The following ATF7IP2 variants were observed in gnomAD, a reference collection of about 807,000 sequenced individuals.
ATF7IP2 encodes activating transcription factor 7-interacting protein 2.
Under a neutral mutation model 64.2 loss-of-function variants are expected in ATF7IP2, and 42 were observed. The ratio of observed to expected loss-of-function variants is 0.65; its 90% confidence interval spans 0.51 to 0.85. The LOEUF (loss-of-function observed/expected upper bound fraction) is 0.85, where lower values mean the gene tolerates loss of function less well. ATF7IP2 is among the 40% of genes least tolerant of loss of function. ATF7IP2 has a pLI of 0.00. For missense variants in ATF7IP2, 933 were observed against 784.2 expected (o/e 1.19, Z -2.27); for synonymous variants, 308 against 272.8 (o/e 1.13, Z -1.27).
At position 10,482,375 on chromosome 16, in the gene ATF7IP2, C is replaced by A. The variant is rs1029831604; in HGVS notation, c.*126C>A. 1.5e-6 allele frequency: 1 copy of A among 672,508 alleles called. No homozygotes were observed. Among genetic ancestry groups the A allele is most frequent in the Non-Finnish European group, 2.4e-6 (1 of 409,740 alleles). The allele number at this position is 672,508 out of a possible 1,614,324, so 41.7% of individuals were successfully genotyped here. A position where few individuals can be genotyped will look rare whatever the true frequency, so the allele number is the denominator to read the frequency against. Reference sequence around the variant, plus strand: ...GAGCCCTTTCTATTGGGACAGTCCTCTTCTATATGTTTTAAGTGGCCAGTA... The same window carrying A: ...GAGCCCTTTCTATTGGGACAGTCCTATTCTATATGTTTTAAGTGGCCAGTA... On this transcript the variant is annotated 3_prime_UTR_variant, in exon 14 of 14. Coordinates refer to ENST00000562102, the MANE Select transcript of ATF7IP2 (RefSeq NM_001393719.1).
At chr16:10,395,371 C>T (rs1279607494) in intron 1 of ATF7IP2, among the ~76,000 whole-genome samples, 1 of 152,076 alleles carries the variant, frequency 6.6e-6, no homozygotes, top group African/African-American at 2.4e-5. Context: ...TTCTACCAAA[C>T]ATTTAAAGGT....
At chr16:10,415,978 G>A (rs2141828592) in intron 2 of ATF7IP2, among the ~76,000 whole-genome samples, 1 of 152,272 alleles carries the variant, frequency 6.6e-6, no homozygotes, top group African/African-American at 2.4e-5. Context: ...GTGTAGAAAG[G>A]GAATCCTTGT....
In ATF7IP2 at chr16:10,480,959, G is replaced by A. The variant is rs1477396641; in HGVS notation, c.1630G>A (p.Val544Ile). ...AACAACCCCATTGGCACAAAATGCA[G>A]TCCAGGTACTGAATCAAAGTGCTCT... Reference protein sequence around the residue: ...KETTPLAQNAVQVPESFEHLP... With the variant: ...KETTPLAQNAIQVPESFEHLP... Residue 544 changes from valine (V) to isoleucine (I), a missense_variant, in exon 13 of 14, where the codon GTC (valine) becomes ATC (isoleucine). By Grantham distance (29) the Val-to-Ile change is conservative. Coordinates refer to ENST00000562102, the MANE Select transcript of ATF7IP2 (RefSeq NM_001393719.1). The A allele has an allele frequency of 6.2e-7, 1 of 1,602,144 alleles. No individual in the cohort carries two copies. The highest frequency in any genetic ancestry group is 1.7e-5 in the Admixed American group (1 of 59,994).
chr16:10,392,535 T>A (rs2047347433), intron 1 of ATF7IP2, among the ~76,000 whole-genome samples: 2 of 152,094 alleles, frequency 1.3e-5, no homozygotes, highest in South Asian at 2.1e-4. Flanking sequence ...GGTTAATTAT[T>A]CTAATATTTA....
At chr16:10,435,795 C>T (rs1170974219) in intron 6 of ATF7IP2, among the ~76,000 whole-genome samples, 1 of 152,174 alleles carries the variant, frequency 6.6e-6, no homozygotes, top group Non-Finnish European at 1.5e-5. Flanking sequence ...TTTCCAGGCT[C>T]CTTTCCAAAA....
chr16:10,457,152 T>C (rs986800117), intron 8 of ATF7IP2, among the ~76,000 whole-genome samples: 3 of 152,232 alleles, frequency 2.0e-5, no homozygotes, highest in Non-Finnish European at 4.4e-5. Context: ...CCATCCAAGC[T>C]AGGAAGTTGA....
chr16:10,397,409 T>C (rs9926988), intron 1 of ATF7IP2, among the ~76,000 whole-genome samples: 6,339 of 152,316 alleles, frequency 0.042, 474 homozygotes, highest in African/African-American at 0.15. Context: ...ATTGTCTCTA[T>C]AAAGTGTTCT....
intron 9 of ATF7IP2, among the ~76,000 whole-genome samples, chr16:10,461,429 G>A (rs2049372349): frequency 6.6e-6 from 1 of 151,920 alleles, no homozygotes; most frequent in Non-Finnish European, 1.5e-5. Context: ...TTTTTATAAT[G>A]GCCAAAAACT....
At chr16:10,453,176 A>G (rs2049045048) in intron 8 of ATF7IP2, among the ~76,000 whole-genome samples, 1 of 152,160 alleles carries the variant, frequency 6.6e-6, no homozygotes, top group South Asian at 2.1e-4. Flanking sequence ...CTGCCCTAAC[A>G]GCCACCCAGC....
chr16:10,462,285 T>A (rs2049399607), intron 9 of ATF7IP2, among the ~76,000 whole-genome samples: 1 of 152,122 alleles, frequency 6.6e-6, no homozygotes, highest in African/African-American at 2.4e-5. Context: ...CCCACATATT[T>A]ATGTTTTCTC....
At chr16:10,426,435 A>C (rs1410275696) in intron 3 of ATF7IP2, among the ~76,000 whole-genome samples, 2 of 152,182 alleles carry the variant, frequency 1.3e-5, no homozygotes, top group Non-Finnish European at 2.9e-5. Flanking sequence ...AAGCATTCTC[A>C]TGCAGACATT....
chr16:10,397,050 A>G (rs2047433750), intron 1 of ATF7IP2, among the ~76,000 whole-genome samples: 1 of 152,196 alleles, frequency 6.6e-6, no homozygotes. Context: ...GCATGTAGAT[A>G]TTCTGTTTAC....
At chr16:10,412,318 A>G (rs1041162519) in intron 1 of ATF7IP2, among the ~76,000 whole-genome samples, 8 of 152,114 alleles carry the variant, frequency 5.3e-5, no homozygotes, top group East Asian at 3.8e-4. Flanking sequence ...ATTTAGGGCT[A>G]TGAACTTTCC....
chr16:10,398,940 C>G (rs752488991), intron 1 of ATF7IP2, among the ~76,000 whole-genome samples: 67 of 152,040 alleles, frequency 4.4e-4, no homozygotes, highest in Non-Finnish European at 8.2e-4. Context: ...CTGGAGAAAC[C>G]CCATCTCTAC....
chr16:10,397,444 A>G (rs1346568025), intron 1 of ATF7IP2, among the ~76,000 whole-genome samples: 1 of 152,234 alleles, frequency 6.6e-6, no homozygotes, highest in Non-Finnish European at 1.5e-5. Flanking sequence ...TTTTAGCAGT[A>G]TTAATTCTTC....
chr16:10,431,364 T>C lies in ATF7IP2; in HGVS notation c.744T>C (p.Ile248=). The change falls in exon 5 of 14, where the codon ATT becomes ATC. Residue 248 remains isoleucine, a synonymous_variant. Transcript: ENST00000562102. ...CTTCTAACAACTGTGCTGATGACAT[T>C]TTGAAAACTGATGAGTGTAGTAGAA... ...SVTSNNCADD[I]LKTDECSRTS... The C allele has an allele frequency of 6.2e-7, 1 of 1,614,192 alleles. No homozygotes were observed. Among genetic ancestry groups the C allele is most frequent in the Non-Finnish European group, 8.5e-7 (1 of 1,180,024 alleles).
intron 4 of ATF7IP2, among the ~76,000 whole-genome samples, chr16:10,429,915 C>T (rs1193156373): frequency 1.3e-5 from 2 of 149,922 alleles, no homozygotes; most frequent in South Asian, 2.1e-4. Flanking sequence ...TACAGTGGCG[C>T]GATGTTGGCT....
At position 10,409,420 on chromosome 16, in the gene ATF7IP2, T is replaced by C. The variant is rs116978711; in HGVS notation, c.-241-5154T>C. On this transcript the variant is annotated intron_variant, in intron 1 of 13. Coordinates refer to ENST00000562102, the MANE Select transcript of ATF7IP2 (RefSeq NM_001393719.1). ...TTGAAGAGGAATTTATTATATCTTA[T>C]ATGTAGAAGGGTTTTTCTGATGTTA... 3.9e-3 allele frequency among the ~76,000 whole-genome samples: 593 copies of C among 152,278 alleles called. 1 individual carries two copies. Among genetic ancestry groups the C allele is most frequent in the Admixed American group, 6.6e-3 (101 of 15,294 alleles).
At chr16:10,457,868 G>A (rs1218014366) in intron 9 of ATF7IP2, among the ~76,000 whole-genome samples, 1 of 152,034 alleles carries the variant, frequency 6.6e-6, no homozygotes, top group Non-Finnish European at 1.5e-5. Context: ...CAATCACCAT[G>A]CTGGGCTAAT....
Sources: allele counts gnomAD v4.1 joint callset (sites outside exome capture counted in the v4.1 genomes callset), GRCh38; gene constraint gnomAD v4.1.1; transcripts MANE v1.5; gene names NCBI Gene and HGNC (gene_info 2026-07-23, HGNC 2026-07-21).